MYH14: variants seen among roughly 807,000 people sequenced by gnomAD.
MYH14 encodes myosin-14.
MYH14 carries 123 observed loss-of-function variants against 255.5 expected under a neutral mutation model. The ratio of observed to expected loss-of-function variants is 0.48; its 90% CI spans 0.42 to 0.56. MYH14 has a LOEUF of 0.56. Ranked by LOEUF, MYH14 falls within the 20% of genes least tolerant of loss-of-function variation. The pLI, the probability that MYH14 is intolerant of heterozygous loss-of-function variation, is 0.00. For missense variants in MYH14, 2,423 were observed against 2,802.3 expected (o/e 0.86, Z 3.06); for synonymous variants, 1,095 against 1,161.2 (o/e 0.94, Z 1.16).
At chr19:50,234,710 G>A (rs977667928) in intron 10 of MYH14, among the ~76,000 whole-genome samples, 1 of 152,152 alleles carries the variant, frequency 6.6e-6, no homozygotes, top group African/African-American at 2.4e-5. Flanking sequence ...CTTAGGTCCT[G>A]CCTGGCCTCT....
intron 10 of MYH14, among the ~76,000 whole-genome samples, chr19:50,235,776 C>T (rs1435612415): frequency 2.6e-5 from 4 of 151,776 alleles, no homozygotes; most frequent in African/African-American, 9.7e-5. Flanking sequence ...GAATGAGACC[C>T]CATCTCAAAA....
At chr19:50,219,706 T>C (rs1163198937) in intron 3 of MYH14, among the ~76,000 whole-genome samples, 1 of 150,846 alleles carries the variant, frequency 6.6e-6, no homozygotes, top group Non-Finnish European at 1.5e-5. Flanking sequence ...GGTTGTACAC[T>C]GAACAAGGGT....
chr19:50,257,072 G>A (rs548965241), intron 17 of MYH14, among the ~76,000 whole-genome samples: 7 of 152,294 alleles, frequency 4.6e-5, no homozygotes, highest in South Asian at 4.1e-4. Flanking sequence ...TTCTAATCTC[G>A]GATCTTCAGT....
chr19:50,208,462 ACC>A (rs1489781723), intron 1 of MYH14, among the ~76,000 whole-genome samples: 2,370 of 151,854 alleles, frequency 0.016, 52 homozygotes, highest in African/African-American at 0.051. Flanking sequence ...AAACAAAAAA[ACC>A]CAACAAACCC....
intron 30 of MYH14, among the ~76,000 whole-genome samples, chr19:50,278,746 G>A (rs758954421): frequency 5.3e-5 from 8 of 151,380 alleles, no homozygotes; most frequent in East Asian, 3.9e-4. Flanking sequence ...AGGCCGAGGC[G>A]GGCAGATCAC....
chr19:50,260,861 G>GCACA, intron 20 of MYH14, 146 bp downstream of exon 20: 2 of 672,572 alleles, frequency 3.0e-6, no homozygotes, highest in Non-Finnish European at 5.3e-6. Flanking sequence ...GTGTGTGCAT[G>GCACA]CATATGTGTG....
At chr19:50,257,214 AATG>A in intron 17 of MYH14, 82 bp from the exon 18 acceptor site, 1 of 1,152,520 alleles carries the variant, frequency 8.7e-7, no homozygotes, top group South Asian at 1.6e-5. Flanking sequence ...AGTTGTGATA[AATG>A]ATAAGACCCT....
rs781219181 is a variant in MYH14, at chr19:50,286,626, C to T, written c.4684C>T (p.Arg1562Trp). The T allele has an allele frequency of 1.4e-5, 22 of 1,597,166 alleles. No individual in the cohort carries two copies. The highest frequency in any genetic ancestry group is 1.2e-4 in the Admixed American group (7 of 56,682). The change falls in exon 34 of 43, where the codon CGG (arginine) becomes TGG (tryptophan). Residue 1562 changes from arginine to tryptophan, a missense_variant. Transcript: ENST00000642316. Reference protein sequence around the residue: ...EEQEAREELERQNRALRAELE... With the variant: ...EEQEAREELEWQNRALRAELE... Reference sequence around the variant, plus strand: ...GCAGGAGGCACGTGAGGAGCTGGAGCGGCAGAACCGGGCCCTGCGGGCTGA... The same window carrying T: ...GCAGGAGGCACGTGAGGAGCTGGAGTGGCAGAACCGGGCCCTGCGGGCTGA...
intron 33 of MYH14, chr19:50,284,935 T>A (rs907156436): frequency 3.4e-5 from 4 of 117,836 alleles, no homozygotes; most frequent in Non-Finnish European, 6.8e-5. Context: ...TTTTTTTTTT[T>A]GCCCAGGCTG....
At chr19:50,306,981 T>G in intron 40 of MYH14, 68 bp from the exon 41 acceptor site, 1 of 1,143,520 alleles carries the variant, frequency 8.7e-7, no homozygotes, top group Non-Finnish European at 1.3e-6. Context: ...AGCCACTGCA[T>G]GAGTCTATGG....
At position 50,244,325 on chromosome 19, in the gene MYH14, C is replaced by G. The variant is rs532887367; in HGVS notation, c.1198C>G (p.Pro400Ala). 1 of 1,613,522 alleles carries G rather than the reference C, an allele frequency of 6.2e-7. No homozygotes were observed. Among genetic ancestry groups the G allele is most frequent in the Admixed American group, 1.7e-5 (1 of 59,994 alleles). ...ACGGAACACCGATCAAGCCACCATG[C>G]CTGACAACACAGGTACTGCCCCCGG... ...RERNTDQATMPDNTAAQKLCR... is the reference protein window; with the variant it reads ...RERNTDQATMADNTAAQKLCR... Residue 400 changes from proline to alanine, a missense_variant, in exon 11 of 43, where the codon CCT becomes GCT. Transcript: ENST00000642316.
chr19:50,292,262 C>A lies in MYH14; in HGVS notation c.5129C>A (p.Ala1710Asp). ...ATCTACCTATTCCGTTCCACCCAGGCCCAGATGAAGGAGCTATGGCGGGAG... is the reference window on the plus strand; with the variant it reads ...ATCTACCTATTCCGTTCCACCCAGGACCAGATGAAGGAGCTATGGCGGGAG... ...EAVKQLRKMQ[A>D]QMKELWREVE... Residue 1710 changes from alanine (A) to aspartate (D), a missense_variant and splice_region_variant, in exon 37 of 43, where the codon GCC (alanine) becomes GAC (aspartate). Physicochemically the swap from Ala to Asp is moderately radical, Grantham distance 126. Coordinates refer to ENST00000642316, the MANE Select transcript of MYH14 (RefSeq NM_001145809.2). 6.2e-7 allele frequency: 1 copy of A among 1,604,088 alleles called. No individual in the cohort carries two copies. Among genetic ancestry groups the A allele is most frequent in the Non-Finnish European group, 8.5e-7 (1 of 1,175,986 alleles).
In MYH14 at chr19:50,250,139, C is replaced by A. The variant is rs899415459; in HGVS notation, c.1656+316C>A. Reference sequence around the variant, plus strand: ...TTCTTGAGACGGAGTCTCGCTCTATCGCCCAGGCTGGAGTGCAGCGGCGCG... The same window carrying A: ...TTCTTGAGACGGAGTCTCGCTCTATAGCCCAGGCTGGAGTGCAGCGGCGCG... On this transcript the variant is annotated intron_variant, in intron 14 of 42. Coordinates refer to ENST00000642316, the MANE Select transcript of MYH14 (RefSeq NM_001145809.2). This position sits in a 1 kb window ranked among gnomAD's most constrained non-coding sequence, Gnocchi z 5.4. 6.6e-6 allele frequency among the ~76,000 whole-genome samples: 1 copy of A among 152,188 alleles called. No homozygotes were observed. The highest frequency in any genetic ancestry group is 2.4e-5 in the African/African-American group (1 of 41,438).
chr19:50,243,522 G>A (rs1190776519), intron 10 of MYH14, among the ~76,000 whole-genome samples: 1 of 152,142 alleles, frequency 6.6e-6, no homozygotes, highest in African/African-American at 2.4e-5. Context: ...CAGCCACTCT[G>A]GGGGCTGAGG....
chr19:50,226,974 C>T lies in MYH14; in HGVS notation c.874+8C>T, dbSNP rs1310990040. 6.2e-7 allele frequency: 1 copy of T among 1,613,660 alleles called. No individual in the cohort carries two copies. Among genetic ancestry groups the T allele is most frequent in the East Asian group, 2.2e-5 (1 of 44,876 alleles). On this transcript the variant is annotated splice_region_variant and intron_variant, in intron 8 of 42. Coordinates refer to ENST00000642316, the MANE Select transcript of MYH14 (RefSeq NM_001145809.2). ...GCGCCAACATTGAGACCTGTATCCT[C>T]TCACAGCCCATGGGGGTGGCAGCCA...
chr19:50,300,690 A>G (rs2036450906), intron 39 of MYH14, among the ~76,000 whole-genome samples: 3 of 152,200 alleles, frequency 2.0e-5, no homozygotes, highest in African/African-American at 7.2e-5. Context: ...CAGAGGTTGC[A>G]GTGAGCTGAG....
chr19:50,239,105 C>T (rs374092698), intron 10 of MYH14, among the ~76,000 whole-genome samples: 8 of 152,316 alleles, frequency 5.3e-5, no homozygotes, highest in East Asian at 1.9e-4. Context: ...CTGCAACCTC[C>T]GCCCCCCAGA....
At chr19:50,271,344 A>G in intron 24 of MYH14, 65 bp from the exon 25 acceptor site, 1 of 1,537,726 alleles carries the variant, frequency 6.5e-7, no homozygotes, top group Non-Finnish European at 8.8e-7. Flanking sequence ...CCCCGCTCCC[A>G]TCCTTCCCCA....
Position 50,252,651 on chromosome 19 carries a change from G to T in MYH14, c.1843G>T (p.Ala615Ser), listed in dbSNP as rs1322815305. The T allele has an allele frequency of 6.9e-6, 11 of 1,591,470 alleles. No homozygotes were observed. The East Asian group carries it at 2.5e-4, about 36-fold the overall frequency. ...TGACTTCATTCAGGTCGACTACAAGGCCAACGAGTGGCTGATGAAAAACAT... is the reference window on the plus strand; with the variant it reads ...TGACTTCATTCAGGTCGACTACAAGTCCAACGAGTGGCTGATGAAAAACAT... ...LHYAGKVDYK[A>S]NEWLMKNMDP... The change falls in exon 16 of 43, where the codon GCC becomes TCC. Residue 615 changes from alanine to serine, a missense_variant. Coordinates refer to ENST00000642316, the MANE Select transcript of MYH14 (RefSeq NM_001145809.2). The surrounding 1 kb of genome is among the most constrained non-coding windows in gnomAD (Gnocchi z 4.2).
Sources: allele counts gnomAD v4.1 joint callset (sites outside exome capture counted in the v4.1 genomes callset), GRCh38; gene constraint gnomAD v4.1.1; non-coding constraint Gnocchi (gnomAD v3.1); transcripts MANE v1.5; gene names NCBI Gene and HGNC (gene_info 2026-07-23, HGNC 2026-07-21).